The following ERCC8 variants were observed in gnomAD, a reference collection of about 807,000 sequenced individuals.
The protein encoded by ERCC8 is DNA excision repair protein ERCC-8.
Under a neutral mutation model 54.9 loss-of-function variants are expected in ERCC8, and 52 were observed. That is an observed-to-expected ratio of 0.95 (90% confidence interval 0.76 to 1.19). ERCC8 has a LOEUF of 1.19. ERCC8 is among the 50% of genes most tolerant of loss of function. ERCC8 has a pLI of 0.00. For synonymous variants in ERCC8, 146 were observed against 157.2 expected (o/e 0.93, Z 0.53); for missense variants, 514 against 466.1 (o/e 1.10, Z -0.95).
At chr5:60,892,932 A>T in intron 9 of ERCC8, 1 of 750,582 alleles carries the variant, frequency 1.3e-6, no homozygotes, top group Non-Finnish European at 2.5e-6. Flanking sequence ...CATTTCACCA[A>T]GGCAGCAATA....
In ERCC8 at chr5:60,871,595, G is replaced by A. The variant is rs1394559402; in HGVS notation, c.*3020C>T. Reference sequence around the variant, plus strand: ...GTATCATAAGAGATTCATGAAGAATGACCATGAAAATGTTAGTGGTGGTTA... The same window carrying A: ...GTATCATAAGAGATTCATGAAGAATAACCATGAAAATGTTAGTGGTGGTTA... On this transcript the variant is annotated 3_prime_UTR_variant, in exon 12 of 12. Coordinates refer to ENST00000676185, the MANE Select transcript of ERCC8 (RefSeq NM_000082.4). 6.6e-6 allele frequency among the ~76,000 whole-genome samples: 1 copy of A among 152,134 alleles called. No homozygotes were observed. The highest frequency in any genetic ancestry group is 1.5e-5 in the Non-Finnish European group (1 of 68,032).
chr5:60,908,588 T>A (rs1000513291), intron 4 of ERCC8, among the ~76,000 whole-genome samples: 18 of 149,072 alleles, frequency 1.2e-4, no homozygotes, highest in African/African-American at 4.4e-4. Flanking sequence ...TATATATTTT[T>A]TTTTTAAATA....
intron 11 of ERCC8, among the ~76,000 whole-genome samples, chr5:60,880,880 C>T (rs1748194531): frequency 6.6e-6 from 1 of 152,320 alleles, no homozygotes; most frequent in Middle Eastern, 3.4e-3. Flanking sequence ...ATGTCATTCT[C>T]CATCCAGTTT....
Position 60,911,354 on chromosome 5 carries a change from C to T in ERCC8, c.400-6481G>A, listed in dbSNP as rs545095190. On this transcript the variant is annotated intron_variant, in intron 4 of 11. Coordinates refer to ENST00000676185, the MANE Select transcript of ERCC8 (RefSeq NM_000082.4). ...GCATTTCTCTGATGACGAGTGATGACGAGATTTTTTCATGTGTCTGTTGGC... is the reference window on the plus strand; with the variant it reads ...GCATTTCTCTGATGACGAGTGATGATGAGATTTTTTCATGTGTCTGTTGGC... 3.3e-5 allele frequency among the ~76,000 whole-genome samples: 5 copies of T among 151,844 alleles called. No individual in the cohort carries two copies. In the South Asian group the frequency reaches 6.3e-4, roughly 19 times the overall value.
intron 6 of ERCC8, chr5:60,903,422 A>C (rs1244128789): frequency 1.6e-6 from 1 of 626,786 alleles, no homozygotes; most frequent in South Asian, 2.2e-5. Context: ...ACTATTTTTC[A>C]TATTGTTTGA....
At chr5:60,938,070 TATATATATATATATATTTTA>T (rs1373684171) in intron 1 of ERCC8, among the ~76,000 whole-genome samples, 2,293 of 35,078 alleles carry the variant, frequency 0.065, 91 homozygotes, top group East Asian at 0.2. Flanking sequence ...TATATATATA[TATATATATATATATATTTTA>T]TTTTTTTTTT....
At chr5:60,918,153 G>T in intron 4 of ERCC8, 112 bp downstream of exon 4, 2 of 857,766 alleles carry the variant, frequency 2.3e-6, no homozygotes, top group Non-Finnish European at 3.9e-6. Context: ...CCACTGTACT[G>T]CTTTCACATC....
In ERCC8 at chr5:60,916,623, T is replaced by A. The variant is rs560409554; in HGVS notation, c.399+1642A>T. 3.0e-4 allele frequency among the ~76,000 whole-genome samples: 46 copies of A among 152,128 alleles called. 1 individual carries two copies. The highest frequency in any genetic ancestry group is 1.1e-3 in the African/African-American group (46 of 41,490). On this transcript the variant is annotated intron_variant, in intron 4 of 11. Coordinates refer to ENST00000676185, the MANE Select transcript of ERCC8 (RefSeq NM_000082.4). ...TTCAATGACATGTATTTTAAATAAA[T>A]ATACTTTATTATAAAAATAAATCTG...
chr5:60,889,652 T>G (rs983042050), intron 10 of ERCC8, among the ~76,000 whole-genome samples: 3 of 152,138 alleles, frequency 2.0e-5, no homozygotes, highest in Admixed American at 1.3e-4. Context: ...AAGCTCCAAT[T>G]TGGTAGAAAG....
In ERCC8 at chr5:60,874,814, G is replaced by C. The variant is rs953932879; in HGVS notation, c.1123-131C>G. The C allele has an allele frequency of 4.0e-6, 3 of 742,514 alleles. No homozygotes were observed. In the South Asian group the frequency reaches 5.5e-5, roughly 14 times the overall value. 46.0% of individuals were successfully genotyped at this position (742,514 alleles called of 1,614,324 possible). A position where few individuals can be genotyped will look rare whatever the true frequency, so the allele number is the denominator to read the frequency against. ...TTATTTTGGAAGAAAATGTATAACT[G>C]TTAATTTCAGAACAAAAATAAGAAA... On this transcript the variant is annotated intron_variant, in intron 11 of 11. Transcript: ENST00000676185.
intron 9 of ERCC8, 83 bp downstream of exon 9, chr5:60,898,193 A>T: frequency 7.1e-7 from 1 of 1,403,816 alleles, no homozygotes; most frequent in Non-Finnish European, 9.9e-7. Flanking sequence ...GGAATAAATG[A>T]GTTAAATATA....
rs75676467 is a variant in ERCC8, at chr5:60,867,656, T to C, written c.*6959A>G. On this transcript the variant is annotated 3_prime_UTR_variant, in exon 12 of 12. Coordinates refer to ENST00000676185, the MANE Select transcript of ERCC8 (RefSeq NM_000082.4). ...GAACAGTGTATTTATTTAGAAAATATACAGATTTACACAATAGTGGATGAT... is the reference window on the plus strand; with the variant it reads ...GAACAGTGTATTTATTTAGAAAATACACAGATTTACACAATAGTGGATGAT... 0.025 allele frequency among the ~76,000 whole-genome samples: 3,771 copies of C among 152,336 alleles called. 62 individuals carry two copies. The highest frequency in any genetic ancestry group is 0.037 in the Non-Finnish European group (2,546 of 68,026).
At chr5:60,906,160 C>A (rs761259907) in intron 4 of ERCC8, among the ~76,000 whole-genome samples, 18 of 152,064 alleles carry the variant, frequency 1.2e-4, no homozygotes, top group Non-Finnish European at 2.4e-4. Context: ...ATTTATGTCT[C>A]TTTATTTATT....
At position 60,945,059 on chromosome 5, in the gene ERCC8, A is replaced by G. The variant is rs973608707; in HGVS notation, c.-51T>C. 6.5e-7 allele frequency: 1 copy of G among 1,534,528 alleles called. No individual in the cohort carries two copies. Among genetic ancestry groups the G allele is most frequent in the East Asian group, 2.2e-5 (1 of 44,480 alleles). ...ACTGGACGTCGCCATGACAGAGCTC[A>G]GGGGCGGGACTGGAACAGCAGAGTC... On this transcript the variant is annotated 5_prime_UTR_variant, in exon 1 of 12. Transcript: ENST00000676185.
intron 11 of ERCC8, among the ~76,000 whole-genome samples, chr5:60,878,547 G>C (rs1748092065): frequency 6.6e-6 from 1 of 152,190 alleles, no homozygotes; most frequent in African/African-American, 2.4e-5. Flanking sequence ...CTCAATTTCA[G>C]AGCCTGTTAT....
chr5:60,918,653 G>C, intron 3 of ERCC8: 1 of 432,988 alleles, frequency 2.3e-6, no homozygotes, highest in Non-Finnish European at 4.3e-6. Context: ...ATACAGCCTG[G>C]AGGCATCAGC....
At chr5:60,939,276 A>G (rs1297229723) in intron 1 of ERCC8, among the ~76,000 whole-genome samples, 1 of 152,234 alleles carries the variant, frequency 6.6e-6, no homozygotes, top group Non-Finnish European at 1.5e-5. Context: ...AATCATACAC[A>G]TACTGCAAGG....
In ERCC8 at chr5:60,869,025, T is replaced by G. The variant is rs1174337319; in HGVS notation, c.*5590A>C. 2.0e-5 allele frequency among the ~76,000 whole-genome samples: 3 copies of G among 152,200 alleles called. No homozygotes were observed. On this transcript the variant is annotated 3_prime_UTR_variant, in exon 12 of 12. Transcript: ENST00000676185. ...GTTAGAGTGATTTTAAGTTTACTGC[T>G]TTAGTGATAAGTTTTTTAGTTCGGG...
At chr5:60,875,768 C>T (rs1423282455) in intron 11 of ERCC8, among the ~76,000 whole-genome samples, 1 of 152,164 alleles carries the variant, frequency 6.6e-6, no homozygotes, top group Non-Finnish European at 1.5e-5. Context: ...GCGATCTCCG[C>T]TCACTGCAAG....
Sources: gnomAD v4.1 joint callset for allele counts (sites outside exome capture counted in the v4.1 genomes callset) on GRCh38, gnomAD v4.1.1 for gene constraint, MANE v1.5 for transcripts, NCBI Gene and HGNC (gene_info 2026-07-23, HGNC 2026-07-21) for gene names.